PKIA: variants seen among roughly 807,000 people sequenced by gnomAD.
PKIA encodes the protein cAMP-dependent protein kinase inhibitor alpha.
Under a neutral mutation model 7.6 loss-of-function variants are expected in PKIA, and 4 were observed. That is an observed-to-expected ratio of 0.52 (90% CI 0.26 to 1.20). The LOEUF (loss-of-function observed/expected upper bound fraction) is 1.20, where lower values mean the gene tolerates loss of function less well. PKIA is among the 50% of genes most tolerant of loss of function. The pLI, the probability that PKIA is intolerant of heterozygous loss-of-function variation, is 0.13. For synonymous variants in PKIA, 21 were observed against 30.7 expected (o/e 0.68, Z 1.04); for missense variants, 73 against 86.2 (o/e 0.85, Z 0.61).
chr8:78,565,221 T>G (rs957949630), intron 1 of PKIA, among the ~76,000 whole-genome samples: 2 of 151,944 alleles, frequency 1.3e-5, no homozygotes, highest in African/African-American at 4.8e-5. Flanking sequence ...TTTTGCTGTA[T>G]TTTTCCTGGA....
intron 2 of PKIA, among the ~76,000 whole-genome samples, chr8:78,590,842 G>T (rs2130250542): frequency 6.6e-6 from 1 of 152,118 alleles, no homozygotes; most frequent in African/African-American, 2.4e-5. Flanking sequence ...CATAATTTTT[G>T]AGCATGTAAT....
At chr8:78,524,150 TTATA>T (rs1458330205) in intron 1 of PKIA, among the ~76,000 whole-genome samples, 1 of 138,906 alleles carries the variant, frequency 7.2e-6, no homozygotes, top group African/African-American at 2.7e-5. Context: ...ACATTTATAT[TTATA>T]TATAAATATA....
intron 1 of PKIA, among the ~76,000 whole-genome samples, chr8:78,570,630 A>G (rs1345254141): frequency 1.3e-5 from 2 of 152,148 alleles, no homozygotes; most frequent in Non-Finnish European, 2.9e-5. Context: ...GTTAAAAATC[A>G]TTCAATGGCT....
At chr8:78,548,279 C>T (rs377561618) in intron 1 of PKIA, among the ~76,000 whole-genome samples, 2 of 152,024 alleles carry the variant, frequency 1.3e-5, no homozygotes, top group Non-Finnish European at 2.9e-5. Context: ...ATTTTTTATA[C>T]ATTGCCTTAT....
intron 1 of PKIA, among the ~76,000 whole-genome samples, chr8:78,549,807 G>A (rs369971676): frequency 1.5e-4 from 23 of 151,076 alleles, no homozygotes; most frequent in African/African-American, 4.9e-4. Context: ...GTGAAACAAA[G>A]GTCCATTTTG....
chr8:78,541,924 C>A (rs772738891), intron 1 of PKIA, among the ~76,000 whole-genome samples: 2 of 151,612 alleles, frequency 1.3e-5, no homozygotes, highest in Non-Finnish European at 2.9e-5. Flanking sequence ...AATCCCAACA[C>A]TTTGGGAGAC....
At position 78,601,992 on chromosome 8, in the gene PKIA, A is replaced by T; in HGVS notation, c.*171A>T. 1 of 592,822 alleles carries T rather than the reference A, an allele frequency of 1.7e-6. No homozygotes were observed. The highest frequency in any genetic ancestry group is 3.0e-6 in the Non-Finnish European group (1 of 334,824). The allele number at this position is 592,822 out of a possible 1,614,324, so 36.7% of individuals were successfully genotyped here. Reference sequence around the variant, plus strand: ...GAGGGCAGAGGCTGTGGCTGCAGGCAGACTTTTCCCTACCTCTGTCATTAG... The same window carrying T: ...GAGGGCAGAGGCTGTGGCTGCAGGCTGACTTTTCCCTACCTCTGTCATTAG... On this transcript the variant is annotated 3_prime_UTR_variant, in exon 4 of 4. Transcript: ENST00000396418.
chr8:78,532,406 A>C (rs1806409990), intron 1 of PKIA, among the ~76,000 whole-genome samples: 1 of 151,888 alleles, frequency 6.6e-6, no homozygotes, highest in Non-Finnish European at 1.5e-5. Flanking sequence ...TTTCTATCAT[A>C]ACTGCTTCCC....
chr8:78,556,459 G>A (rs922871437), intron 1 of PKIA: 1 of 151,628 alleles, frequency 6.6e-6, no homozygotes, highest in African/African-American at 2.4e-5. Flanking sequence ...TTTACACAAT[G>A]TTCTGTTCTT....
At chr8:78,546,607 T>C (rs975691295) in intron 1 of PKIA, among the ~76,000 whole-genome samples, 3 of 152,260 alleles carry the variant, frequency 2.0e-5, no homozygotes, top group Non-Finnish European at 2.9e-5. Context: ...TGAGTTAAAA[T>C]TAAATGAGAT....
At chr8:78,517,978 AAG>A (rs1197288637) in intron 1 of PKIA, among the ~76,000 whole-genome samples, 1 of 152,198 alleles carries the variant, frequency 6.6e-6, no homozygotes, top group African/African-American at 2.4e-5. Context: ...ATCAATGAAA[AAG>A]AGGGGCAGAG....
intron 1 of PKIA, among the ~76,000 whole-genome samples, chr8:78,536,581 T>C (rs1806528668): frequency 6.6e-6 from 1 of 152,056 alleles, no homozygotes. Context: ...GGCAACTGCA[T>C]TTCATTCTGA....
Position 78,601,894 on chromosome 8 carries a change from C to T in PKIA, c.*73C>T, listed in dbSNP as rs533948255. On this transcript the variant is annotated 3_prime_UTR_variant, in exon 4 of 4. Coordinates refer to ENST00000396418, the MANE Select transcript of PKIA (RefSeq NM_006823.4). The stretch of plus-strand genomic sequence containing the variant: ...AGGAGTATCTGGAATGCATTTGTTT[C>T]CATGAGTGAAAAGAGGAAAAAGAAA... The T allele has an allele frequency of 1.7e-6, 2 of 1,176,674 alleles. No homozygotes were observed. The highest frequency in any genetic ancestry group is 1.3e-5 in the South Asian group (1 of 78,566). The allele number at this position is 1,176,674 out of a possible 1,614,324, so 72.9% of individuals were successfully genotyped here.
Position 78,533,517 on chromosome 8 carries a change from T to C in PKIA, c.-157+17049T>C, listed in dbSNP as rs571445622. ...AAACAGAATGGTATACAATCTACAT[T>C]CTAATTTTCAAATAAGATTGTTATG... On this transcript the variant is annotated intron_variant, in intron 1 of 3. Transcript: ENST00000396418. 2.6e-5 allele frequency among the ~76,000 whole-genome samples: 4 copies of C among 152,248 alleles called. No individual in the cohort carries two copies. The South Asian group carries it at 8.3e-4, about 32-fold the overall frequency.
At chr8:78,585,085 T>C (rs938374767) in intron 2 of PKIA, among the ~76,000 whole-genome samples, 21 of 152,026 alleles carry the variant, frequency 1.4e-4, no homozygotes, top group Non-Finnish European at 1.5e-4. Flanking sequence ...TAAATACACA[T>C]ATTGTTTATC....
At chr8:78,541,018 C>T (rs947033337) in intron 1 of PKIA, among the ~76,000 whole-genome samples, 1 of 151,988 alleles carries the variant, frequency 6.6e-6, no homozygotes. Context: ...GGTACATTTA[C>T]AAAATTTTAA....
At chr8:78,558,597 T>G (rs1430168613) in intron 1 of PKIA, 8 of 78,466 alleles carry the variant, frequency 1.0e-4, no homozygotes, top group East Asian at 4.0e-4. Context: ...GACCACCCCC[T>G]TCCCCCCCGC....
intron 1 of PKIA, among the ~76,000 whole-genome samples, chr8:78,552,081 C>T (rs73687529): frequency 1.3e-5 from 2 of 151,684 alleles, no homozygotes; most frequent in Admixed American, 6.6e-5. Context: ...ATGTCTGGAA[C>T]AAGAGCAAGC....
chr8:78,569,346 A>AT (rs1403756023), intron 1 of PKIA, among the ~76,000 whole-genome samples: 1 of 152,134 alleles, frequency 6.6e-6, no homozygotes, highest in Admixed American at 6.6e-5. Context: ...GAGTGGTCCC[A>AT]TTCTCCTTGG....
Sources: allele counts gnomAD v4.1 joint callset (sites outside exome capture counted in the v4.1 genomes callset), GRCh38; gene constraint gnomAD v4.1.1; transcripts MANE v1.5; gene names NCBI Gene and HGNC (gene_info 2026-07-23, HGNC 2026-07-21).